VPS41: variants seen among roughly 807,000 people sequenced by gnomAD.
VPS41 encodes VPS41 subunit of HOPS complex.
A neutral mutation model predicts 130.9 loss-of-function variants in VPS41; 85 were observed. That is an observed-to-expected ratio of 0.65 (90% CI 0.55 to 0.78). The LOEUF (loss-of-function observed/expected upper bound fraction) is 0.78. Among genes scored for constraint, VPS41 ranks in the 30% least tolerant of loss-of-function variants. The pLI, the probability that VPS41 is intolerant of heterozygous loss-of-function variation, is 0.00. For synonymous variants in VPS41, 335 were observed against 332.9 expected (o/e 1.01, Z -0.07); for missense variants, 874 against 1,018.7 (o/e 0.86, Z 1.93).
chr7:38,736,549 T>A (rs1007961073), intron 25 of VPS41, among the ~76,000 whole-genome samples: 2 of 152,264 alleles, frequency 1.3e-5, no homozygotes, highest in African/African-American at 4.8e-5. Flanking sequence ...TTGTCTTCCA[T>A]GCCAATTCTG....
At chr7:38,818,001 G>GT in intron 6 of VPS41, 119 bp from the exon 7 acceptor site, 1 of 748,046 alleles carries the variant, frequency 1.3e-6, no homozygotes, top group Admixed American at 2.1e-5. Context: ...TTGGTAGGAA[G>GT]TAATATATTC....
At chr7:38,866,096 T>G (rs1283621123) in intron 3 of VPS41, among the ~76,000 whole-genome samples, 1 of 152,020 alleles carries the variant, frequency 6.6e-6, no homozygotes, top group East Asian at 1.9e-4. Flanking sequence ...TCCAGATGTG[T>G]GTGGATCAAG....
intron 25 of VPS41, among the ~76,000 whole-genome samples, chr7:38,741,660 T>C (rs538296072): frequency 6.6e-6 from 1 of 152,336 alleles, no homozygotes; most frequent in South Asian, 2.1e-4. Flanking sequence ...ATGGCCACTA[T>C]AACTGCTTTC....
intron 4 of VPS41, among the ~76,000 whole-genome samples, chr7:38,855,153 T>C (rs1785954199): frequency 1.5e-5 from 2 of 137,106 alleles, no homozygotes; most frequent in South Asian, 4.4e-4. Context: ...GAGGTTGCAG[T>C]GAGCTGAGAT....
At chr7:38,781,277 T>C (rs1784350030) in intron 10 of VPS41, among the ~76,000 whole-genome samples, 1 of 152,260 alleles carries the variant, frequency 6.6e-6, no homozygotes, top group African/African-American at 2.4e-5. Context: ...TTTGGAATTC[T>C]GTATGTAGCA....
chr7:38,840,359 AGG>A (rs1785585289), intron 4 of VPS41, among the ~76,000 whole-genome samples: 1 of 152,250 alleles, frequency 6.6e-6, no homozygotes, highest in African/African-American at 2.4e-5. Context: ...ACCAAAAAAT[AGG>A]CTATAAAAAC....
intron 1 of VPS41, among the ~76,000 whole-genome samples, chr7:38,903,876 C>T (rs564709480): frequency 2.0e-5 from 3 of 152,288 alleles, no homozygotes; most frequent in East Asian, 3.9e-4. Context: ...AGCTACTGCA[C>T]TCATCTTATT....
At chr7:38,805,114 A>C (rs1784813525) in intron 7 of VPS41, among the ~76,000 whole-genome samples, 1 of 152,260 alleles carries the variant, frequency 6.6e-6, no homozygotes, top group Non-Finnish European at 1.5e-5. Flanking sequence ...TCAATCACTG[A>C]TGACTGGTGA....
In VPS41 at chr7:38,735,955, G is replaced by A. The variant is rs183571013; in HGVS notation, c.2259+6030C>T. ...AAGGGAGTCAAGGGATGGACAATTT[G>A]TCATTTTTTTTCTTTAAATAAATGT... On this transcript the variant is annotated intron_variant, in intron 25 of 28. Transcript: ENST00000310301. Among the ~76,000 whole-genome samples the A allele has an allele frequency of 2.6e-5, 4 of 152,078 alleles. No individual in the cohort carries two copies. The South Asian group carries it at 6.2e-4, about 24-fold the overall frequency.
In VPS41 at chr7:38,765,590, C is replaced by T. The variant is rs545864749; in HGVS notation, c.1319G>A (p.Gly440Glu). 2.9e-5 allele frequency: 46 copies of T among 1,595,956 alleles called. No homozygotes were observed. In the South Asian group the frequency reaches 5.0e-4, roughly 17 times the overall value. The change falls in exon 16 of 29, where the codon GGA (glycine) becomes GAA (glutamate). Residue 440 changes from glycine (G) to glutamate (E), a missense_variant. Transcript: ENST00000310301. ...EYEVYKFKEI[G>E]QLKAISPYLP... ...TAAGGCTTTGCTTACCTTAAGCTGT[C>T]CAATTTCTTTAAATTTATAAACTTC... is the stretch of plus-strand genomic sequence containing the variant.
chr7:38,864,870 A>G (rs566786548), intron 3 of VPS41, among the ~76,000 whole-genome samples: 3 of 152,096 alleles, frequency 2.0e-5, no homozygotes, highest in African/African-American at 4.8e-5. Flanking sequence ...CTCATTTTCT[A>G]TACTACCAGA....
chr7:38,891,735 T>G (rs1458122123), intron 2 of VPS41, among the ~76,000 whole-genome samples: 1 of 152,188 alleles, frequency 6.6e-6, no homozygotes, highest in African/African-American at 2.4e-5. Context: ...ACTTAAAAAT[T>G]AATGCCATTA....
At chr7:38,884,966 C>T (rs971285389) in intron 2 of VPS41, among the ~76,000 whole-genome samples, 2 of 148,054 alleles carry the variant, frequency 1.4e-5, no homozygotes, top group Admixed American at 6.6e-5. Flanking sequence ...TTGATGCTTA[C>T]ATTGCAAAGT....
At chr7:38,777,821 TG>T (rs1365409131) in intron 10 of VPS41, among the ~76,000 whole-genome samples, 1 of 152,242 alleles carries the variant, frequency 6.6e-6, no homozygotes, top group East Asian at 1.9e-4. Flanking sequence ...TAAGGAAATT[TG>T]GGTTATAACT....
chr7:38,772,820 T>C (rs1784180701), intron 12 of VPS41, among the ~76,000 whole-genome samples, 183 bp from the exon 13 acceptor site: 2 of 151,972 alleles, frequency 1.3e-5, no homozygotes, highest in South Asian at 4.1e-4. Context: ...GACAGAAGCG[T>C]ATTTCAGTGC....
At chr7:38,825,560 A>G (rs554392003) in intron 5 of VPS41, among the ~76,000 whole-genome samples, 7 of 152,262 alleles carry the variant, frequency 4.6e-5, no homozygotes, top group African/African-American at 1.7e-4. Context: ...AGAATCACAT[A>G]ATTAAAGGTT....
chr7:38,842,322 C>T lies in VPS41; in HGVS notation c.247-11994G>A, dbSNP rs928313184. Among the ~76,000 whole-genome samples the T allele has an allele frequency of 9.9e-5, 15 of 152,160 alleles. No individual in the cohort carries two copies. The East Asian group carries it at 2.7e-3, about 27-fold the overall frequency. ...CCCCACAAGCACATCCCCCGACACA[C>T]GCTCGTCTTCTCCAACACCCCATTT... On this transcript the variant is annotated intron_variant, in intron 4 of 28. Coordinates refer to ENST00000310301, the MANE Select transcript of VPS41 (RefSeq NM_014396.4).
At chr7:38,833,630 T>C (rs1312831309) in intron 4 of VPS41, among the ~76,000 whole-genome samples, 2 of 152,212 alleles carry the variant, frequency 1.3e-5, no homozygotes, top group African/African-American at 4.8e-5. Flanking sequence ...TACCCAAACA[T>C]TTCATAACTC....
intron 28 of VPS41, 97 bp from the exon 29 acceptor site, chr7:38,726,423 G>A: frequency 2.2e-6 from 2 of 913,218 alleles, no homozygotes; most frequent in Non-Finnish European, 3.4e-6. Context: ...AGGGGGTGGA[G>A]AGGAAGTAAT....
Sources: gnomAD v4.1 joint callset for allele counts (sites outside exome capture counted in the v4.1 genomes callset) on GRCh38, gnomAD v4.1.1 for gene constraint, MANE v1.5 for transcripts, NCBI Gene and HGNC (gene_info 2026-07-23, HGNC 2026-07-21) for gene names.